CCDC190: variants seen among roughly 807,000 people sequenced by gnomAD.
CCDC190 encodes the protein coiled-coil domain-containing protein 190.
In CCDC190, 10 loss-of-function variants were observed where a neutral mutation model predicts 13.1. The ratio of observed to expected loss-of-function variants is 0.77; its 90% CI spans 0.47 to 1.30. CCDC190 has a LOEUF of 1.30. Among genes scored for constraint, CCDC190 ranks in the 50% most tolerant of loss-of-function variants. The probability of loss-of-function intolerance (pLI) is 0.00; values close to 1 mark genes in which losing one functional copy is unlikely to be tolerated. For missense variants in CCDC190, 375 were observed against 354.3 expected (o/e 1.06, Z -0.47); for synonymous variants, 136 against 127.2 (o/e 1.07, Z -0.47).
chr1:162,862,280 T>G (rs148735844), upstream of CCDC190, among the ~76,000 whole-genome samples: 1 of 152,218 alleles, frequency 6.6e-6, no homozygotes, highest in East Asian at 1.9e-4. Flanking sequence ...GAGAGGGAAC[T>G]GAAGAGGAAA....
At chr1:162,866,843 GA>G (rs1292604080) in intron 1 of CCDC190, among the ~76,000 whole-genome samples, 6 of 152,134 alleles carry the variant, frequency 3.9e-5, no homozygotes, top group East Asian at 1.9e-4. Context: ...TAATGGGGGG[GA>G]AAGAATATTC....
chr1:162,856,968 G>GTCTAAAA (rs1241421915), intron 2 of CCDC190, among the ~76,000 whole-genome samples: 1 of 152,076 alleles, frequency 6.6e-6, no homozygotes, highest in Non-Finnish European at 1.5e-5. Flanking sequence ...GGCCCAATAG[G>GTCTAAAA]TTCAAAAATG....
In CCDC190 at chr1:162,851,177, C is replaced by T. The variant is rs1650094170; in HGVS notation, c.*3588G>A. The T allele has an allele frequency of 1.3e-5, 2 of 152,168 alleles. No homozygotes were observed. The highest frequency in any genetic ancestry group is 4.8e-5 in the African/African-American group (2 of 41,394). 9.4% of individuals were successfully genotyped at this position (152,168 alleles called of 1,614,324 possible). ...AGGCAGAAAAGGAGGACCTGGCTGCCCGCTCTCCCTTATTCTGTCTTCAGT... is the reference window on the plus strand; with the variant it reads ...AGGCAGAAAAGGAGGACCTGGCTGCTCGCTCTCCCTTATTCTGTCTTCAGT... On this transcript the variant is annotated 3_prime_UTR_variant, in exon 4 of 4. Coordinates refer to ENST00000367912, the MANE Select transcript of CCDC190 (RefSeq NM_001394065.1).
At position 162,853,078 on chromosome 1, in the gene CCDC190, T is replaced by C. The variant is rs1650169351; in HGVS notation, c.*1687A>G. ...TGCCTTCCTCTGTTGCTTTGCTTCA[T>C]GGAAGAAAGTGTTGGAGGAAGCAGA... On this transcript the variant is annotated 3_prime_UTR_variant, in exon 4 of 4. Coordinates refer to ENST00000367912, the MANE Select transcript of CCDC190 (RefSeq NM_001394065.1). 3 of 1,530,638 alleles carry C rather than the reference T, an allele frequency of 2.0e-6. No individual in the cohort carries two copies. The African/African-American group carries it at 4.1e-5, about 21-fold the overall frequency. The allele number at this position is 1,530,638 out of a possible 1,614,324, so 94.8% of individuals were successfully genotyped here.
Position 162,855,790 on chromosome 1 carries a change from G to A in CCDC190, c.188-35C>T, listed in dbSNP as rs755955596. The A allele has an allele frequency of 7.1e-6, 11 of 1,551,828 alleles. No homozygotes were observed. The East Asian group carries it at 2.4e-4, about 34-fold the overall frequency. On this transcript the variant is annotated intron_variant, in intron 2 of 3. Transcript: ENST00000367912. ...GTTAATTAAGAAGTGTTATGAGTTG[G>A]ATTGTGTCCTTAAATTTTTTATGCT...
chr1:162,863,551 G>A (rs560539808), upstream of CCDC190, among the ~76,000 whole-genome samples: 38 of 152,278 alleles, frequency 2.5e-4, no homozygotes, highest in Admixed American at 1.0e-3. Context: ...CCCTGAGAGA[G>A]TGGAAACAAA....
chr1:162,852,191 C>T lies in CCDC190; in HGVS notation c.*2574G>A, dbSNP rs1055450140. 30 of 152,154 alleles carry T rather than the reference C, an allele frequency of 2.0e-4. No individual in the cohort carries two copies. Among genetic ancestry groups the T allele is most frequent in the Non-Finnish European group, 5.9e-5 (4 of 68,038 alleles). The allele number at this position is 152,154 out of a possible 1,614,324, so 9.4% of individuals were successfully genotyped here. On this transcript the variant is annotated 3_prime_UTR_variant, in exon 4 of 4. Coordinates refer to ENST00000367912, the MANE Select transcript of CCDC190 (RefSeq NM_001394065.1). ...CCCCATGTATTATAGAATTTATGGT[C>T]CCTACCTACTAGACTCCAGTGGCAG...
chr1:162,857,599 C>T lies in CCDC190; in HGVS notation c.188-1844G>A, dbSNP rs374440646. On this transcript the variant is annotated intron_variant, in intron 2 of 3. Transcript: ENST00000367912. Reference sequence around the variant, plus strand: ...CTGCTGGGAGTGGCCCCATTCCATACGTCCTCCTGACAAACTTCCCGCCCT... The same window carrying T: ...CTGCTGGGAGTGGCCCCATTCCATATGTCCTCCTGACAAACTTCCCGCCCT... Among the ~76,000 whole-genome samples the T allele has an allele frequency of 5.3e-5, 8 of 152,304 alleles. No individual in the cohort carries two copies. The South Asian group carries it at 8.3e-4, about 16-fold the overall frequency.
chr1:162,866,087 T>C (rs1650695949), upstream of CCDC190, among the ~76,000 whole-genome samples: 1 of 152,148 alleles, frequency 6.6e-6, no homozygotes, highest in African/African-American at 2.4e-5. Flanking sequence ...AAATTAAAAA[T>C]ACCATAATGA....
At chr1:162,858,206 T>C (rs1329391013) in intron 2 of CCDC190, among the ~76,000 whole-genome samples, 1 of 152,230 alleles carries the variant, frequency 6.6e-6, no homozygotes, top group African/African-American at 2.4e-5. Context: ...CAGAAGCACC[T>C]GAATCAAAGT....
intron 2 of CCDC190, among the ~76,000 whole-genome samples, chr1:162,857,432 T>C (rs961629518): frequency 2.0e-5 from 3 of 152,220 alleles, no homozygotes; most frequent in Non-Finnish European, 4.4e-5. Context: ...TTGGATTGGA[T>C]TGGAGACATT....
In CCDC190 at chr1:162,853,788, C is replaced by T. The variant is rs1476348343; in HGVS notation, c.*977G>A. 1.3e-5 allele frequency among the ~76,000 whole-genome samples: 2 copies of T among 152,100 alleles called. No homozygotes were observed. The highest frequency in any genetic ancestry group is 1.9e-4 in the East Asian group (1 of 5,200). ...AGAGGCATGATTTCTTTGAGACCCA[C>T]GGGGCAAGATGGTTTTCCTGATAGA... is the stretch of plus-strand genomic sequence containing the variant. On this transcript the variant is annotated 3_prime_UTR_variant, in exon 4 of 4. Coordinates refer to ENST00000367912, the MANE Select transcript of CCDC190 (RefSeq NM_001394065.1).
Position 162,852,472 on chromosome 1 carries a change from A to G in CCDC190, c.*2293T>C, listed in dbSNP as rs953223448. 1 of 152,416 alleles carries G rather than the reference A, an allele frequency of 6.6e-6. No individual in the cohort carries two copies. Among genetic ancestry groups the G allele is most frequent in the Non-Finnish European group, 1.5e-5 (1 of 68,170 alleles). The allele number at this position is 152,416 out of a possible 1,614,324, so 9.4% of individuals were successfully genotyped here. A position where few individuals can be genotyped will look rare whatever the true frequency, so the allele number is the denominator to read the frequency against. Reference sequence around the variant, plus strand: ...TCTTTGATTGAGTTAAGTTGTACTAATCAGAGTATTACATCCATTGTATCG... The same window carrying G: ...TCTTTGATTGAGTTAAGTTGTACTAGTCAGAGTATTACATCCATTGTATCG... On this transcript the variant is annotated 3_prime_UTR_variant, in exon 4 of 4. Coordinates refer to ENST00000367912, the MANE Select transcript of CCDC190 (RefSeq NM_001394065.1).
At position 162,851,330 on chromosome 1, in the gene CCDC190, C is replaced by T. The variant is rs1424737111; in HGVS notation, c.*3435G>A. ...TTTTTTTTTTTGCAGTGGTTGCTTG[C>T]TATTCTGGCTGTCATTGGTGAGATA... On this transcript the variant is annotated 3_prime_UTR_variant, in exon 4 of 4. Coordinates refer to ENST00000367912, the MANE Select transcript of CCDC190 (RefSeq NM_001394065.1). 1 of 124,602 alleles carries T rather than the reference C, an allele frequency of 8.0e-6. No individual in the cohort carries two copies. The highest frequency in any genetic ancestry group is 1.6e-5 in the Non-Finnish European group (1 of 63,042). 7.7% of individuals were successfully genotyped at this position (124,602 alleles called of 1,614,324 possible).
At chr1:162,867,332 CAAAT>C (rs1294615168) in intron 1 of CCDC190, among the ~76,000 whole-genome samples, 1 of 151,888 alleles carries the variant, frequency 6.6e-6, no homozygotes, top group Non-Finnish European at 1.5e-5. Context: ...GGCCAATAAA[CAAAT>C]GAATATACAT....
intron 1 of CCDC190, among the ~76,000 whole-genome samples, chr1:162,867,712 C>T (rs61023741): frequency 0.2 from 29,663 of 152,088 alleles, 3,397 homozygotes; most frequent in South Asian, 0.42. Context: ...AACTGATAAA[C>T]AAATTGTGGT....
intron 2 of CCDC190, among the ~76,000 whole-genome samples, chr1:162,856,821 C>T (rs1650318592): frequency 6.6e-6 from 1 of 152,070 alleles, no homozygotes; most frequent in Non-Finnish European, 1.5e-5. Flanking sequence ...TCTTTGTGAG[C>T]CTTTCTTCCT....
intron 1 of CCDC190, among the ~76,000 whole-genome samples, chr1:162,867,893 A>G (rs1704759): frequency 6.6e-6 from 1 of 152,210 alleles, no homozygotes. Context: ...CTATGATGAC[A>G]GAGATCAGAT....
In CCDC190 at chr1:162,852,395, A is replaced by G. The variant is rs879736520; in HGVS notation, c.*2370T>C. 11 of 152,212 alleles carry G rather than the reference A, an allele frequency of 7.2e-5. No homozygotes were observed. The highest frequency in any genetic ancestry group is 2.4e-4 in the African/African-American group (10 of 41,444). The allele number at this position is 152,212 out of a possible 1,614,324, so 9.4% of individuals were successfully genotyped here. ...TGCCACGTCAGGATTAAGGATTTAAACTGTTTAGAATTTAATGAGTTACAC... is the reference window on the plus strand; with the variant it reads ...TGCCACGTCAGGATTAAGGATTTAAGCTGTTTAGAATTTAATGAGTTACAC... On this transcript the variant is annotated 3_prime_UTR_variant, in exon 4 of 4. Transcript: ENST00000367912.
Sources: allele counts gnomAD v4.1 joint callset (sites outside exome capture counted in the v4.1 genomes callset), GRCh38; gene constraint gnomAD v4.1.1; transcripts MANE v1.5; gene names NCBI Gene and HGNC (gene_info 2026-07-23, HGNC 2026-07-21).